The following KAZN variants were observed in gnomAD, a reference collection of about 807,000 sequenced individuals.
KAZN encodes the protein kazrin, periplakin interacting protein.
A neutral mutation model predicts 87.4 loss-of-function variants in KAZN; 40 were observed. The ratio of observed to expected loss-of-function variants is 0.46; its 90% CI spans 0.36 to 0.60. The LOEUF is 0.60. Ranked by LOEUF, KAZN falls within the 20% of genes least tolerant of loss-of-function variation. The pLI, the probability that KAZN is intolerant of heterozygous loss-of-function variation, is 0.00. For missense variants in KAZN, 898 were observed against 1,073.9 expected (o/e 0.84, Z 2.29); for synonymous variants, 466 against 458.3 (o/e 1.02, Z -0.22).
intron 2 of KAZN, among the ~76,000 whole-genome samples, chr1:14,397,371 T>C (rs768085208): frequency 5.1e-4 from 77 of 152,188 alleles, no homozygotes; most frequent in Non-Finnish European, 8.8e-4. Flanking sequence ...TGTCCTCATA[T>C]GGTGCAGAGA....
chr1:15,014,225 G>C (rs1207879219), intron 2 of KAZN, among the ~76,000 whole-genome samples: 3 of 152,116 alleles, frequency 2.0e-5, no homozygotes, highest in Non-Finnish European at 4.4e-5. Context: ...GGCAGGGAGA[G>C]TTTGTCTAAG....
chr1:13,898,322 C>A (rs1416764975), intron 1 of KAZN, among the ~76,000 whole-genome samples: 1 of 152,208 alleles, frequency 6.6e-6, no homozygotes, highest in Non-Finnish European at 1.5e-5. Flanking sequence ...AGGGCTGTTG[C>A]CCCATCCCCT....
chr1:14,250,656 T>G (rs1209949768), intron 2 of KAZN, among the ~76,000 whole-genome samples: 1 of 151,862 alleles, frequency 6.6e-6, no homozygotes, highest in African/African-American at 2.4e-5. Flanking sequence ...CTTGGGGGCT[T>G]TAGTTGTATT....
At chr1:14,471,544 G>A (rs990481101) in intron 2 of KAZN, among the ~76,000 whole-genome samples, 2 of 152,128 alleles carry the variant, frequency 1.3e-5, no homozygotes, top group Non-Finnish European at 2.9e-5. Flanking sequence ...GGAACGTTGA[G>A]TAGAGGCGTG....
At chr1:14,976,696 G>C (rs1466888458) in intron 2 of KAZN, among the ~76,000 whole-genome samples, 1 of 152,140 alleles carries the variant, frequency 6.6e-6, no homozygotes, top group East Asian at 1.9e-4. Flanking sequence ...GGCCGTCCTG[G>C]GACATGGACT....
intron 1 of KAZN, among the ~76,000 whole-genome samples, chr1:13,956,047 G>T (rs1038914769): frequency 2.0e-5 from 3 of 152,204 alleles, no homozygotes; most frequent in Non-Finnish European, 4.4e-5. Flanking sequence ...TGTAAAGGCT[G>T]CTGGATGAAT....
chr1:15,078,728 G>A (rs114423057), intron 8 of KAZN, among the ~76,000 whole-genome samples: 2,193 of 152,260 alleles, frequency 0.014, 37 homozygotes, highest in Non-Finnish European at 0.021. Flanking sequence ...TCTGCAGCGC[G>A]CATGCTGTTC....
chr1:14,848,751 T>G (rs1649079143), intron 1 of KAZN, among the ~76,000 whole-genome samples: 1 of 152,192 alleles, frequency 6.6e-6, no homozygotes, highest in African/African-American at 2.4e-5. Context: ...ATGCTATACA[T>G]CATCTCGCCA....
At chr1:14,566,833 A>G (rs1236929953) in intron 2 of KAZN, among the ~76,000 whole-genome samples, 1 of 152,230 alleles carries the variant, frequency 6.6e-6, no homozygotes, top group Admixed American at 6.5e-5. Flanking sequence ...TCATTGAATT[A>G]AAAAGACTCA....
At chr1:14,726,471 T>G (rs554477654) in intron 1 of KAZN, among the ~76,000 whole-genome samples, 224 of 152,296 alleles carry the variant, frequency 1.5e-3, no homozygotes, top group Admixed American at 4.4e-3. Flanking sequence ...GGGATCCAGG[T>G]GGGTCATCCA....
At chr1:14,363,130 C>T (rs532220479) in intron 2 of KAZN, among the ~76,000 whole-genome samples, 36 of 152,232 alleles carry the variant, frequency 2.4e-4, no homozygotes, top group Non-Finnish European at 3.2e-4. Flanking sequence ...ATTTTTTAAA[C>T]GAAATCCAAT....
At chr1:14,600,592 C>T (rs532552731) in intron 1 of KAZN, among the ~76,000 whole-genome samples, 1 of 144,150 alleles carries the variant, frequency 6.9e-6, no homozygotes, top group East Asian at 2.1e-4. Context: ...TTGCTGCAAG[C>T]TTGACATGTG....
intron 2 of KAZN, among the ~76,000 whole-genome samples, chr1:14,353,680 A>T (rs1658753487): frequency 6.6e-6 from 1 of 152,354 alleles, no homozygotes; most frequent in African/African-American, 2.4e-5. Flanking sequence ...TAAAAATATC[A>T]TTTAAAATAG....
At chr1:14,736,042 T>G (rs1643887464) in intron 1 of KAZN, among the ~76,000 whole-genome samples, 1 of 152,134 alleles carries the variant, frequency 6.6e-6, no homozygotes, top group South Asian at 2.1e-4. Context: ...TCGGTCCACC[T>G]GCAGTCAGCC....
chr1:14,492,231 A>T (rs1471121787), intron 2 of KAZN, among the ~76,000 whole-genome samples: 1 of 152,082 alleles, frequency 6.6e-6, no homozygotes, highest in Non-Finnish European at 1.5e-5. Context: ...AGTCTTGGAG[A>T]GAACAGGAGT....
intron 1 of KAZN, among the ~76,000 whole-genome samples, chr1:14,803,033 A>G (rs1646090352): frequency 6.6e-6 from 1 of 152,204 alleles, no homozygotes; most frequent in African/African-American, 2.4e-5. Context: ...GTTCATGAAG[A>G]CAGAGTTACA....
intron 2 of KAZN, among the ~76,000 whole-genome samples, chr1:14,591,964 G>C (rs1676229078): frequency 6.6e-6 from 1 of 152,090 alleles, no homozygotes; most frequent in Non-Finnish European, 1.5e-5. Flanking sequence ...GTGGTTATGA[G>C]GGTGATGAAT....
At chr1:13,944,636 G>A (rs12133920) in intron 1 of KAZN, among the ~76,000 whole-genome samples, 19,486 of 152,136 alleles carry the variant, frequency 0.13, 1,315 homozygotes, top group South Asian at 0.21. Flanking sequence ...TTGAATGGCC[G>A]CAAAGCAGTA....
chr1:14,986,286 G>A lies in KAZN; in HGVS notation c.418+25411G>A, dbSNP rs76246660. Among the ~76,000 whole-genome samples the A allele has an allele frequency of 1.9e-3, 284 of 152,178 alleles. 5 individuals are homozygous for A. The East Asian group carries it at 0.047, about 25-fold the overall frequency. ...TTTGAGAACCTGCAGTTCTCAGGGC[G>A]GTCCTCGTCCTGAGTGCTTGTCTTC... On this transcript the variant is annotated intron_variant, in intron 2 of 14. Coordinates refer to ENST00000376030, the MANE Select transcript of KAZN (RefSeq NM_201628.3).
Sources: gnomAD v4.1 joint callset for allele counts (sites outside exome capture counted in the v4.1 genomes callset) on GRCh38, gnomAD v4.1.1 for gene constraint, MANE v1.5 for transcripts, NCBI Gene and HGNC (gene_info 2026-07-23, HGNC 2026-07-21) for gene names.